The following NLRP12 variants were observed in gnomAD, a reference collection of about 807,000 sequenced individuals.
The protein encoded by NLRP12 is NLR family pyrin domain containing 12, also known as NACHT, LRR and PYD domains-containing protein 12.
NLRP12 carries 108 observed loss-of-function variants against 91.2 expected under a neutral mutation model. That is an observed-to-expected ratio of 1.18 (90% CI 1.01 to 1.39). The LOEUF is 1.39. NLRP12 is among the 40% of genes most tolerant of loss of function. NLRP12 has a pLI of 0.00. For missense variants in NLRP12, 1,530 were observed against 1,352.7 expected, an observed-to-expected ratio of 1.13 and a Z score of -2.06; for synonymous variants, 613 against 566.7, an observed-to-expected ratio of 1.08 and a Z score of -1.16.
In NLRP12 at chr19:53,810,113, T is replaced by C. The variant is rs770763005; in HGVS notation, c.1546A>G (p.Ser516Gly). The change falls in exon 3 of 10, where the codon AGT becomes GGT. Residue 516 changes from serine (S) to glycine (G), a missense_variant. Ser to Gly is a moderately conservative substitution (Grantham distance 56). Coordinates refer to ENST00000324134, the MANE Select transcript of NLRP12 (RefSeq NM_144687.4). ...ATAGCTGCAAAGAATTCCTGGAAAC[T>C]CAAGTGGATGAAGCTGTAGTACCTC... ...CERYYSFIHLSFQEFFAAMYY... is the reference protein window; with the variant it reads ...CERYYSFIHLGFQEFFAAMYY... The C allele has an allele frequency of 1.1e-5, 17 of 1,614,118 alleles. No individual in the cohort carries two copies. Among genetic ancestry groups the C allele is most frequent in the South Asian group, 7.7e-5 (7 of 91,080 alleles).
intron 8 of NLRP12, among the ~76,000 whole-genome samples, chr19:53,797,708 G>A (rs1475422370): frequency 3.4e-5 from 5 of 146,422 alleles, no homozygotes; most frequent in South Asian, 4.4e-4. Flanking sequence ...TTAAGCTACC[G>A]TGCCCAGCCT....
At chr19:53,799,527 A>C (rs931895654) in intron 7 of NLRP12, among the ~76,000 whole-genome samples, 1 of 151,346 alleles carries the variant, frequency 6.6e-6, no homozygotes, top group Non-Finnish European at 1.5e-5. Context: ...TCTGTCATCC[A>C]GGCTGGAGTG....
At chr19:53,799,257 G>A (rs997448429) in intron 7 of NLRP12, among the ~76,000 whole-genome samples, 1 of 151,796 alleles carries the variant, frequency 6.6e-6, no homozygotes, top group South Asian at 2.1e-4. Context: ...TGATCCACCC[G>A]CCTCAGCCTC....
intron 1 of NLRP12, among the ~76,000 whole-genome samples, chr19:53,823,104 T>C (rs77380527): frequency 1.4e-5 from 2 of 141,146 alleles, no homozygotes; most frequent in Non-Finnish European, 1.5e-5. Flanking sequence ...CACACACATA[T>C]ACACACACAT....
At position 53,810,262 on chromosome 19, in the gene NLRP12, G is replaced by T. The variant is rs1382096643; in HGVS notation, c.1397C>A (p.Ala466Glu). 6.2e-7 allele frequency: 1 copy of T among 1,614,092 alleles called. No homozygotes were observed. Among genetic ancestry groups the T allele is most frequent in the South Asian group, 1.1e-5 (1 of 91,086 alleles). ...GATTTTCTGATTCCAGAGCCCATCT[G>T]CCGCCAAGGAGCACAACCCTCTCTG... Reference protein sequence around the residue: ...PNQRGLCSLAADGLWNQKILF... With the variant: ...PNQRGLCSLAEDGLWNQKILF... The change falls in exon 3 of 10, where the codon GCA becomes GAA. Residue 466 changes from alanine to glutamate, a missense_variant. By Grantham distance (107) the Ala-to-Glu change is moderately radical. Coordinates refer to ENST00000324134, the MANE Select transcript of NLRP12 (RefSeq NM_144687.4).
intron 1 of NLRP12, among the ~76,000 whole-genome samples, chr19:53,818,573 G>A (rs977055108): frequency 9.2e-5 from 13 of 140,782 alleles, no homozygotes; most frequent in African/African-American, 3.5e-4. Flanking sequence ...GCTGAGGCAG[G>A]AGAATCGCTT....
rs752414417 is a variant in NLRP12 at position 53,805,331 on chromosome 19, A to C, written c.2363T>G (p.Met788Arg). 166 of 1,614,036 alleles carry C rather than the reference A, an allele frequency of 1.0e-4. No homozygotes were observed. Among genetic ancestry groups the C allele is most frequent in the Non-Finnish European group, 1.4e-4 (163 of 1,180,040 alleles). The change falls in exon 5 of 10, where the codon ATG becomes AGG. Residue 788 changes from methionine to arginine, a missense_variant. Coordinates refer to ENST00000324134, the MANE Select transcript of NLRP12 (RefSeq NM_144687.4). ...SGNGVGFPGM[M>R]LLCEGLRHPQ... ...ATGCCGCAGGCCCTCGCAAAGCAGC[A>C]TCATGCCTGGGAATCCAACGCCGTT... is the stretch of plus-strand genomic sequence containing the variant.
chr19:53,806,714 C>T (rs1245566399), intron 4 of NLRP12, among the ~76,000 whole-genome samples: 6 of 130,932 alleles, frequency 4.6e-5, no homozygotes, highest in Middle Eastern at 3.9e-3. Context: ...AGAAATTAGC[C>T]GGGTGTGGTT....
In NLRP12 at chr19:53,824,308, G is replaced by A. The variant is rs1159639461; in HGVS notation, c.-134C>T. ...GGCGGAGAGGCTGAGCCAGTGGTTG[G>A]AGGAGAGAGCAAGGGAGGAAAGACC... On this transcript the variant is annotated 5_prime_UTR_variant, in exon 1 of 10. Coordinates refer to ENST00000324134, the MANE Select transcript of NLRP12 (RefSeq NM_144687.4). 11 of 904,462 alleles carry A rather than the reference G, an allele frequency of 1.2e-5. No homozygotes were observed. The highest frequency in any genetic ancestry group is 2.0e-5 in the Admixed American group (1 of 48,786). 56.0% of individuals were successfully genotyped at this position (904,462 alleles called of 1,614,324 possible). A position where few individuals can be genotyped will look rare whatever the true frequency, so the allele number is the denominator to read the frequency against.
At chr19:53,805,988 C>T (rs2091952638) in intron 4 of NLRP12, among the ~76,000 whole-genome samples, 1 of 151,760 alleles carries the variant, frequency 6.6e-6, no homozygotes, top group Non-Finnish European at 1.5e-5. Context: ...AATCTCAGCA[C>T]TTTGGGAGGC....
In NLRP12 at chr19:53,795,879, G is replaced by A; in HGVS notation, c.3078C>T (p.Gly1026=). ...CTCACCAGAGGACTCGGAGTTTGCA[G>A]CCAGGATGGCTCAGCCGCTTGCAAA... The part of the protein sequence containing the change: ...RLLCKRLSHP[G]CKLRVLWLFG... The change falls in exon 9 of 10, where the codon GGC becomes GGT. Residue 1026 remains glycine, a synonymous_variant. Coordinates refer to ENST00000324134, the MANE Select transcript of NLRP12 (RefSeq NM_144687.4). 1.2e-6 allele frequency: 2 copies of A among 1,614,088 alleles called. No homozygotes were observed. Among genetic ancestry groups the A allele is most frequent in the South Asian group, 2.2e-5 (2 of 91,082 alleles).
chr19:53,818,058 A>G (rs574354767), intron 1 of NLRP12, among the ~76,000 whole-genome samples: 2 of 150,168 alleles, frequency 1.3e-5, no homozygotes, highest in Non-Finnish European at 2.9e-5. Context: ...CTGGGATTAC[A>G]GGCATGAGCC....
intron 8 of NLRP12, 193 bp from the exon 9 acceptor site, chr19:53,796,222 A>G (rs1298661654): frequency 1.6e-6 from 1 of 632,966 alleles, no homozygotes; most frequent in Non-Finnish European, 2.9e-6. Flanking sequence ...GTGCACCACC[A>G]CCAATTAGCA....
At position 53,807,544 on chromosome 19, in the gene NLRP12, G is replaced by C. The variant is rs1214790566; in HGVS notation, c.2194C>G (p.Leu732Val). ...RNALGSRGVK[L>V]LCQGLRHPNC... The stretch of plus-strand genomic sequence containing the variant: ...GGGTGTCTGAGTCCTTGACAGAGCA[G>C]CTTCACCCCCCGGCTGCCCAGGGCA... The change falls in exon 4 of 10, where the codon CTG (leucine) becomes GTG (valine). Residue 732 changes from leucine to valine, a missense_variant. By Grantham distance (32) the Leu-to-Val change is conservative. Coordinates refer to ENST00000324134, the MANE Select transcript of NLRP12 (RefSeq NM_144687.4). The C allele has an allele frequency of 6.2e-7, 1 of 1,614,038 alleles. No homozygotes were observed. The highest frequency in any genetic ancestry group is 1.7e-5 in the Admixed American group (1 of 59,980).
chr19:53,819,767 A>G (rs2092239515), intron 1 of NLRP12, among the ~76,000 whole-genome samples: 1 of 150,246 alleles, frequency 6.7e-6, no homozygotes, highest in South Asian at 2.1e-4. Flanking sequence ...TCCAGGCTGG[A>G]GTGCAGTGGC....
chr19:53,823,232 G>T (rs1218319801), intron 1 of NLRP12, among the ~76,000 whole-genome samples: 1 of 138,170 alleles, frequency 7.2e-6, no homozygotes, highest in African/African-American at 2.7e-5. Flanking sequence ...AATAATATAT[G>T]TATTAAATAT....
chr19:53,803,638 A>T, intron 6 of NLRP12: 1 of 380,766 alleles, frequency 2.6e-6, no homozygotes, highest in Non-Finnish European at 5.1e-6. Flanking sequence ...CAGTGACGTG[A>T]TCTCAGCTCA....
In NLRP12 at chr19:53,821,081, G is replaced by A. The variant is rs1202937979; in HGVS notation, c.289+2805C>T. Among the ~76,000 whole-genome samples the A allele has an allele frequency of 2.2e-5, 3 of 135,222 alleles. No homozygotes were observed. In the Admixed American group the frequency reaches 2.4e-4, roughly 11 times the overall value. The allele number at this position is 135,222 out of a possible 152,430, so 88.7% of individuals were successfully genotyped here. A position where few individuals can be genotyped will look rare whatever the true frequency, so the allele number is the denominator to read the frequency against. On this transcript the variant is annotated intron_variant, in intron 1 of 9. Coordinates refer to ENST00000324134, the MANE Select transcript of NLRP12 (RefSeq NM_144687.4). ...GACAGAGTCTTACTCTGTCACCCAGGCTGGAGTGCAGTGGCTTAATCTTCG... is the reference window on the plus strand; with the variant it reads ...GACAGAGTCTTACTCTGTCACCCAGACTGGAGTGCAGTGGCTTAATCTTCG...
intron 6 of NLRP12, among the ~76,000 whole-genome samples, chr19:53,802,133 A>T (rs1242594736): frequency 1.3e-5 from 2 of 151,996 alleles, no homozygotes; most frequent in Non-Finnish European, 1.5e-5. Context: ...AGGCTGAGGC[A>T]GGAGAATCAC....
Sources: allele counts gnomAD v4.1 joint callset (sites outside exome capture counted in the v4.1 genomes callset), GRCh38; gene constraint gnomAD v4.1.1; transcripts MANE v1.5; gene names NCBI Gene and HGNC (gene_info 2026-07-23, HGNC 2026-07-21).